The following CNTN5 variants were observed in gnomAD, a reference collection of about 807,000 sequenced individuals.
The protein encoded by CNTN5 is contactin 5.
A neutral mutation model predicts 129.1 loss-of-function variants in CNTN5; 77 were observed. The observed-to-expected ratio is 0.60, with a 90% CI of 0.50 to 0.72. The LOEUF is 0.72. Among genes scored for constraint, CNTN5 ranks in the 30% least tolerant of loss-of-function variants. The pLI, the probability that CNTN5 is intolerant of heterozygous loss-of-function variation, is 0.00. For missense variants in CNTN5, 1,478 were observed against 1,328.8 expected, an observed-to-expected ratio of 1.11 and a Z score of -1.75; for synonymous variants, 509 against 465.6, an observed-to-expected ratio of 1.09 and a Z score of -1.20.
intron 9 of CNTN5, among the ~76,000 whole-genome samples, chr11:100,050,991 G>A (rs1942923103): frequency 6.6e-6 from 1 of 152,034 alleles, no homozygotes; most frequent in Admixed American, 6.6e-5. Flanking sequence ...TATAATAGTT[G>A]GAGATTTTAA....
chr11:99,290,761 G>A (rs1280948131), intron 1 of CNTN5, among the ~76,000 whole-genome samples: 4 of 151,732 alleles, frequency 2.6e-5, no homozygotes, highest in Non-Finnish European at 5.9e-5. Context: ...GAAGATTCTT[G>A]TTATATTTCA....
intron 15 of CNTN5, among the ~76,000 whole-genome samples, chr11:100,195,440 T>C (rs1591379735): frequency 6.6e-6 from 1 of 151,984 alleles, no homozygotes; most frequent in Non-Finnish European, 1.5e-5. Context: ...TTCCATGAAG[T>C]TGGCAGTTAA....
rs1475310723 is a variant in CNTN5, at chr11:99,316,609, A to C, written c.-209-8737A>C. On this transcript the variant is annotated intron_variant, in intron 1 of 24. Coordinates refer to ENST00000524871, the MANE Select transcript of CNTN5 (RefSeq NM_014361.4). ...CCCTTCGGTGGAGGATTGGGGAACAAATTTTAATTCAAGCCATTTTCTCCC... is the reference window on the plus strand; with the variant it reads ...CCCTTCGGTGGAGGATTGGGGAACACATTTTAATTCAAGCCATTTTCTCCC... 2.0e-5 allele frequency among the ~76,000 whole-genome samples: 3 copies of C among 152,154 alleles called. No homozygotes were observed. The East Asian group carries it at 5.8e-4, about 29-fold the overall frequency.
intron 17 of CNTN5, among the ~76,000 whole-genome samples, chr11:100,258,976 C>A (rs1210829376): frequency 6.6e-6 from 1 of 152,048 alleles, no homozygotes; most frequent in East Asian, 1.9e-4. Context: ...GGGCTAAATG[C>A]CCCAGTTAAA....
intron 2 of CNTN5, among the ~76,000 whole-genome samples, chr11:99,434,482 A>C (rs965670835): frequency 2.6e-5 from 4 of 152,140 alleles, no homozygotes; most frequent in African/African-American, 9.6e-5. Context: ...GTTCCATGCA[A>C]CAGCAAGTAA....
intron 8 of CNTN5, among the ~76,000 whole-genome samples, chr11:99,996,853 C>T (rs1591543231): frequency 6.6e-6 from 1 of 152,066 alleles, no homozygotes; most frequent in Non-Finnish European, 1.5e-5. Context: ...TTCATGAGAA[C>T]TCCCTCACTA....
intron 9 of CNTN5, among the ~76,000 whole-genome samples, chr11:100,019,544 A>G (rs887492917): frequency 1.3e-5 from 2 of 151,944 alleles, no homozygotes; most frequent in Non-Finnish European, 2.9e-5. Flanking sequence ...TCAAGGGTGA[A>G]TAATATTCCA....
intron 20 of CNTN5, among the ~76,000 whole-genome samples, chr11:100,303,194 G>A (rs143420728): frequency 2.0e-5 from 3 of 151,198 alleles, no homozygotes; most frequent in African/African-American, 4.9e-5. Context: ...CCTTTAAACC[G>A]AGCAAGGTTT....
At chr11:100,085,288 C>G (rs1025925802) in intron 13 of CNTN5, among the ~76,000 whole-genome samples, 11 of 151,830 alleles carry the variant, frequency 7.2e-5, no homozygotes, top group African/African-American at 2.7e-4. Context: ...AAGAAAAATT[C>G]AGAGAAAACC....
intron 1 of CNTN5, among the ~76,000 whole-genome samples, chr11:99,206,591 C>A (rs1473910138): frequency 6.6e-6 from 1 of 150,994 alleles, no homozygotes; most frequent in East Asian, 1.9e-4. Flanking sequence ...TGACTTTTTC[C>A]GGGTTTTGAC....
At chr11:99,468,743 T>G (rs1945047116) in intron 2 of CNTN5, among the ~76,000 whole-genome samples, 1 of 151,710 alleles carries the variant, frequency 6.6e-6, no homozygotes, top group Admixed American at 6.6e-5. Context: ...TTTTTTTTTT[T>G]TTTTTTCTGA....
At chr11:99,491,639 A>G (rs1756656681) in intron 2 of CNTN5, among the ~76,000 whole-genome samples, 1 of 152,168 alleles carries the variant, frequency 6.6e-6, no homozygotes, top group Non-Finnish European at 1.5e-5. Context: ...GAAGCATAGC[A>G]TTTCAATTCT....
chr11:99,250,018 T>C (rs1862020242), intron 1 of CNTN5, among the ~76,000 whole-genome samples: 1 of 151,948 alleles, frequency 6.6e-6, no homozygotes, highest in African/African-American at 2.4e-5. Flanking sequence ...TTAGGGAATT[T>C]TGGGGTGAGA....
At chr11:100,023,636 T>C (rs1345828323) in intron 9 of CNTN5, among the ~76,000 whole-genome samples, 1 of 152,250 alleles carries the variant, frequency 6.6e-6, no homozygotes, top group African/African-American at 2.4e-5. Context: ...TCAAAATCCC[T>C]ACAAATCTTC....
chr11:99,620,566 G>A (rs1950914232), intron 3 of CNTN5, among the ~76,000 whole-genome samples: 1 of 140,498 alleles, frequency 7.1e-6, no homozygotes, highest in African/African-American at 2.6e-5. Flanking sequence ...GAATAAATAA[G>A]CTATGCCTAA....
chr11:100,334,610 A>G (rs1413792997), intron 21 of CNTN5, among the ~76,000 whole-genome samples: 1 of 152,190 alleles, frequency 6.6e-6, no homozygotes, highest in African/African-American at 2.4e-5. Flanking sequence ...TAAAAAAAAG[A>G]ATGAAATAAT....
At chr11:99,674,563 C>T (rs1027966645) in intron 3 of CNTN5, among the ~76,000 whole-genome samples, 2 of 152,136 alleles carry the variant, frequency 1.3e-5, no homozygotes, top group Non-Finnish European at 2.9e-5. Context: ...CACACAGAAC[C>T]TCTGGTTGCC....
intron 3 of CNTN5, among the ~76,000 whole-genome samples, chr11:99,673,723 T>G (rs1413980821): frequency 1.3e-5 from 2 of 151,298 alleles, no homozygotes; most frequent in Non-Finnish European, 2.9e-5. Context: ...TGTGGTAGTT[T>G]GCTAAGGATA....
intron 2 of CNTN5, among the ~76,000 whole-genome samples, chr11:99,425,292 C>T (rs1943069498): frequency 6.6e-6 from 1 of 152,226 alleles, no homozygotes; most frequent in African/African-American, 2.4e-5. Flanking sequence ...GGCAGCCCGG[C>T]CCTCAGGCTT....
Sources: gnomAD v4.1 joint callset for allele counts (sites outside exome capture counted in the v4.1 genomes callset) on GRCh38, gnomAD v4.1.1 for gene constraint, MANE v1.5 for transcripts, NCBI Gene and HGNC (gene_info 2026-07-23, HGNC 2026-07-21) for gene names.